The following CCSER1 variants were observed in gnomAD, a reference collection of about 807,000 sequenced individuals.
CCSER1 encodes the protein serine-rich coiled-coil domain-containing protein 1.
A neutral mutation model predicts 82.0 loss-of-function variants in CCSER1; 41 were observed. The ratio of observed to expected loss-of-function variants is 0.50; its 90% confidence interval spans 0.39 to 0.65. The LOEUF is 0.65. Among genes scored for constraint, CCSER1 ranks in the 30% least tolerant of loss-of-function variants. The probability of loss-of-function intolerance (pLI) is 0.00; values close to 1 mark genes in which losing one functional copy is unlikely to be tolerated. For missense variants in CCSER1, 1,119 were observed against 1,064.2 expected, an observed-to-expected ratio of 1.05 and a Z score of -0.72; for synonymous variants, 414 against 383.9, an observed-to-expected ratio of 1.08 and a Z score of -0.92.
chr4:91,595,944 A>T (rs963885680), intron 10 of CCSER1, among the ~76,000 whole-genome samples: 17 of 23,274 alleles, frequency 7.3e-4, no homozygotes, highest in African/African-American at 4.6e-3. Flanking sequence ...CAGAGAACTT[A>T]AAAAAAAAAA....
intron 1 of CCSER1, among the ~76,000 whole-genome samples, chr4:90,271,854 ATATATATATTT>A (rs1726488763): frequency 7.8e-5 from 2 of 25,666 alleles, no homozygotes; most frequent in Non-Finnish European, 1.2e-4. Context: ...ATATATATAT[ATATATATATTT>A]TTTTTTTTTT....
In CCSER1 at chr4:91,476,108, C is replaced by A. The variant is rs200465482; in HGVS notation, c.2218-122464C>A. 5.3e-5 allele frequency among the ~76,000 whole-genome samples: 8 copies of A among 151,858 alleles called. No homozygotes were observed. The East Asian group carries it at 1.5e-3, about 29-fold the overall frequency. On this transcript the variant is annotated intron_variant, in intron 10 of 10. Transcript: ENST00000509176. ...TAGCACTGCAATAAATATGGAAGTG[C>A]AGGTATTGCTTCAATATACTGATTT...
chr4:90,408,389 G>A (rs1754095660), intron 4 of CCSER1, among the ~76,000 whole-genome samples: 1 of 152,168 alleles, frequency 6.6e-6, no homozygotes, highest in South Asian at 2.1e-4. Flanking sequence ...CCCCCAGTAG[G>A]GGAGGACTGA....
At chr4:90,152,366 G>A (rs1242290443) in intron 1 of CCSER1, among the ~76,000 whole-genome samples, 1 of 152,150 alleles carries the variant, frequency 6.6e-6, no homozygotes, top group African/African-American at 2.4e-5. Context: ...CTGAGGCCAG[G>A]ATGAAGGAAT....
intron 8 of CCSER1, among the ~76,000 whole-genome samples, chr4:90,878,788 T>C (rs1011339479): frequency 4.6e-5 from 7 of 152,202 alleles, no homozygotes; most frequent in African/African-American, 1.7e-4. Flanking sequence ...TTAGATCAAA[T>C]ATTTATGTCT....
chr4:90,193,880 GAA>G (rs1736112992), intron 1 of CCSER1, among the ~76,000 whole-genome samples: 1 of 152,022 alleles, frequency 6.6e-6, no homozygotes. Flanking sequence ...ATATGCACTA[GAA>G]ATTTTGAAAT....
At chr4:91,084,577 T>C (rs1723164627) in intron 9 of CCSER1, among the ~76,000 whole-genome samples, 1 of 152,304 alleles carries the variant, frequency 6.6e-6, no homozygotes, top group Non-Finnish European at 1.5e-5. Context: ...TAAGCATGAA[T>C]ACTACTTCAG....
chr4:90,783,013 A>G (rs1414120876), intron 7 of CCSER1, among the ~76,000 whole-genome samples: 1 of 151,788 alleles, frequency 6.6e-6, no homozygotes, highest in Non-Finnish European at 1.5e-5. Context: ...GGCTCACTGC[A>G]ACACTGTAAC....
intron 10 of CCSER1, among the ~76,000 whole-genome samples, chr4:91,310,256 C>G (rs990764185): frequency 2.0e-5 from 3 of 151,702 alleles, no homozygotes; most frequent in Admixed American, 1.3e-4. Context: ...TATTATCGTG[C>G]CTTGACCATT....
At chr4:90,178,755 G>A (rs190880461) in intron 1 of CCSER1, among the ~76,000 whole-genome samples, 1 of 152,072 alleles carries the variant, frequency 6.6e-6, no homozygotes, top group Non-Finnish European at 1.5e-5. Context: ...TTCTTTCAAG[G>A]CTCATGAACT....
intron 9 of CCSER1, among the ~76,000 whole-genome samples, chr4:91,056,247 T>A (rs1743435614): frequency 6.6e-6 from 1 of 152,126 alleles, no homozygotes; most frequent in Admixed American, 6.6e-5. Flanking sequence ...CCATTTGTTA[T>A]ATGCTATCTT....
intron 10 of CCSER1, among the ~76,000 whole-genome samples, chr4:91,179,168 T>A (rs1235075502): frequency 6.6e-6 from 1 of 152,210 alleles, no homozygotes; most frequent in East Asian, 1.9e-4. Context: ...TGCCAAGAGA[T>A]ACACTGTTGG....
chr4:90,132,984 T>A (rs773596045), intron 1 of CCSER1, among the ~76,000 whole-genome samples: 23 of 152,290 alleles, frequency 1.5e-4, no homozygotes, highest in Non-Finnish European at 2.4e-4. Context: ...TAGCAGCAAG[T>A]ATAAACTTGT....
chr4:90,333,159 A>T (rs907276090), intron 3 of CCSER1, among the ~76,000 whole-genome samples: 2 of 152,188 alleles, frequency 1.3e-5, no homozygotes, highest in East Asian at 3.9e-4. Context: ...ATGTCAATTT[A>T]TCTCATTCCT....
chr4:91,252,092 A>G (rs1352241999), intron 10 of CCSER1, among the ~76,000 whole-genome samples: 1 of 152,200 alleles, frequency 6.6e-6, no homozygotes. Flanking sequence ...AAAGCAATTT[A>G]TTACATATGT....
chr4:90,751,588 G>A (rs17017516), intron 7 of CCSER1, among the ~76,000 whole-genome samples: 40,475 of 151,914 alleles, frequency 0.27, 5,989 homozygotes, highest in East Asian at 0.34. Flanking sequence ...TTAATAGGAT[G>A]TTAAATAGTT....
intron 3 of CCSER1, among the ~76,000 whole-genome samples, chr4:90,346,678 T>A (rs1198017458): frequency 1.3e-5 from 2 of 152,112 alleles, no homozygotes; most frequent in Non-Finnish European, 2.9e-5. Flanking sequence ...CCTGTGTATG[T>A]CTGTGTTTGT....
At chr4:90,366,722 T>C (rs1423117214) in intron 3 of CCSER1, among the ~76,000 whole-genome samples, 1 of 151,810 alleles carries the variant, frequency 6.6e-6, no homozygotes, top group African/African-American at 2.4e-5. Context: ...GGGTTTTTAG[T>C]ATACCCAGTG....
intron 7 of CCSER1, among the ~76,000 whole-genome samples, chr4:90,796,388 T>C (rs1756032608): frequency 6.7e-6 from 1 of 149,836 alleles, no homozygotes; most frequent in African/African-American, 2.5e-5. Flanking sequence ...TTCATTAGTG[T>C]AGCTAGTGGT....
Sources: allele counts gnomAD v4.1 joint callset (sites outside exome capture counted in the v4.1 genomes callset), GRCh38; gene constraint gnomAD v4.1.1; transcripts MANE v1.5; gene names NCBI Gene and HGNC (gene_info 2026-07-23, HGNC 2026-07-21).